MPPED1: variants seen among roughly 807,000 people sequenced by gnomAD.
The protein encoded by MPPED1 is metallophosphoesterase domain containing 1.
A neutral mutation model predicts 36.2 loss-of-function variants in MPPED1; 16 were observed. That is an observed-to-expected ratio of 0.44 (90% CI 0.30 to 0.67). MPPED1 has a LOEUF of 0.67. Ranked by LOEUF, MPPED1 falls within the 30% of genes least tolerant of loss-of-function variation. The pLI, the probability that MPPED1 is intolerant of heterozygous loss-of-function variation, is 0.10. For synonymous variants in MPPED1, 199 were observed against 191.3 expected (o/e 1.04, Z -0.33); for missense variants, 307 against 453.4 (o/e 0.68, Z 2.93).
intron 4 of MPPED1, among the ~76,000 whole-genome samples, chr22:43,485,205 C>T (rs1931874190): frequency 6.6e-6 from 1 of 152,034 alleles, no homozygotes; most frequent in Non-Finnish European, 1.5e-5. Flanking sequence ...TATACACCTA[C>T]ACACACATTC....
rs1378898555 is a variant in MPPED1 at position 43,467,795 on chromosome 22, T to C, written c.407-6941T>C. Among the ~76,000 whole-genome samples the C allele has an allele frequency of 3.9e-5, 6 of 152,136 alleles. No individual in the cohort carries two copies. The East Asian group carries it at 1.2e-3, about 29-fold the overall frequency. On this transcript the variant is annotated intron_variant, in intron 3 of 6. Coordinates refer to ENST00000443721, the MANE Select transcript of MPPED1 (RefSeq NM_001044370.2). Reference sequence around the variant, plus strand: ...GCATTTTCCTGATTGTCACTGCATTTAGAGAACGCTAAAACTCCACCGGGC... The same window carrying C: ...GCATTTTCCTGATTGTCACTGCATTCAGAGAACGCTAAAACTCCACCGGGC...
In MPPED1 at chr22:43,425,039, C is replaced by T; in HGVS notation, c.54C>T (p.Leu18=). ...TCCTGAAGGCGGAGGCCCTGGCCCTCCTCCCCTGCGGCCTGGGCATGGCAT... is the reference window on the plus strand; with the variant it reads ...TCCTGAAGGCGGAGGCCCTGGCCCTTCTCCCCTGCGGCCTGGGCATGGCAT... ...ASVLKAEALA[L]LPCGLGMAFS... is the part of the protein sequence containing the mutation. Residue 18 remains leucine (L), a synonymous_variant, in exon 2 of 7, where the codon CTC becomes CTT. Transcript: ENST00000443721. 1.2e-6 allele frequency: 2 copies of T among 1,612,166 alleles called. No individual in the cohort carries two copies. The highest frequency in any genetic ancestry group is 1.7e-6 in the Non-Finnish European group (2 of 1,179,328).
rs1360098515 is a variant in MPPED1, at chr22:43,505,622, C to T, written c.*6C>T. On this transcript the variant is annotated 3_prime_UTR_variant, in exon 7 of 7. Coordinates refer to ENST00000443721, the MANE Select transcript of MPPED1 (RefSeq NM_001044370.2). ...CCACACCCCGGAACTCCTGACTGCT[C>T]CCCACTGCCCCTGCCCTGCCCGCCC... 2 of 1,599,730 alleles carry T rather than the reference C, an allele frequency of 1.3e-6. No individual in the cohort carries two copies. Among genetic ancestry groups the T allele is most frequent in the Non-Finnish European group, 1.7e-6 (2 of 1,172,772 alleles).
chr22:43,464,132 C>A (rs1010906764), intron 3 of MPPED1, among the ~76,000 whole-genome samples: 10 of 151,916 alleles, frequency 6.6e-5, no homozygotes, highest in Admixed American at 6.6e-4. Flanking sequence ...TGGTCTTGAA[C>A]TCCTGACCTC....
Position 43,505,761 on chromosome 22 carries a change from TCTTTAGC to T in MPPED1, c.*149_*155del. 1 of 640,210 alleles carries T rather than the reference TCTTTAGC, an allele frequency of 1.6e-6. No individual in the cohort carries two copies. The highest frequency in any genetic ancestry group is 2.0e-5 in the South Asian group (1 of 50,390). The allele number at this position is 640,210 out of a possible 1,614,324, so 39.7% of individuals were successfully genotyped here. A position where few individuals can be genotyped will look rare whatever the true frequency, so the allele number is the denominator to read the frequency against. ...AGGCAGGTCAGGGCCTTGGAACGAC[TCTTTAGC>T]CTTCTGTCACCTGGAGTTGGGACCC... On this transcript the variant is annotated 3_prime_UTR_variant, in exon 7 of 7. Coordinates refer to ENST00000443721, the MANE Select transcript of MPPED1 (RefSeq NM_001044370.2).
chr22:43,432,516 A>AG (rs1370311652), intron 2 of MPPED1, among the ~76,000 whole-genome samples: 7 of 115,912 alleles, frequency 6.0e-5, no homozygotes, highest in South Asian at 3.5e-4. Flanking sequence ...GGAAAGAGAA[A>AG]GGGAGGAGAG....
chr22:43,461,865 T>C (rs1930968566), intron 3 of MPPED1, among the ~76,000 whole-genome samples: 1 of 152,212 alleles, frequency 6.6e-6, no homozygotes, highest in African/African-American at 2.4e-5. Context: ...GATTTCTTCA[T>C]CTGCCAAATA....
chr22:43,444,572 A>C (rs1040010821), intron 3 of MPPED1, among the ~76,000 whole-genome samples: 2 of 152,044 alleles, frequency 1.3e-5, no homozygotes, highest in Non-Finnish European at 1.5e-5. Flanking sequence ...CATGTTGGCC[A>C]TGCTGGTCTT....
chr22:43,500,250 A>G (rs867662728), intron 5 of MPPED1, among the ~76,000 whole-genome samples: 112 of 28,808 alleles, frequency 3.9e-3, no homozygotes, highest in African/African-American at 4.6e-3. Flanking sequence ...GGTGGCAGTG[A>G]TGATGGTGGT....
rs1428065476 is a variant in MPPED1, at chr22:43,498,311, G to A, written c.709G>A (p.Glu237Lys). ...GCTGGAGAAATGGAACCTCATTCCCGAAGGCGTAGACATCCTGATAACCCA... is the reference window on the plus strand; with the variant it reads ...GCTGGAGAAATGGAACCTCATTCCCAAAGGCGTAGACATCCTGATAACCCA... Reference protein sequence around the residue: ...ALLEKWNLIPEGVDILITHGP... With the variant: ...ALLEKWNLIPKGVDILITHGP... Residue 237 changes from glutamate (E) to lysine (K), a missense_variant, in exon 5 of 7, where the codon GAA becomes AAA. This residue lies in a region of MPPED1 where 132 missense variants were observed against 212.3 expected (regional missense o/e 0.62). Transcript: ENST00000443721. 3.3e-6 allele frequency: 5 copies of A among 1,535,362 alleles called. No homozygotes were observed. Among genetic ancestry groups the A allele is most frequent in the Non-Finnish European group, 3.5e-6 (4 of 1,146,530 alleles).
intron 3 of MPPED1, among the ~76,000 whole-genome samples, chr22:43,467,519 G>A (rs118107423): frequency 3.3e-5 from 5 of 152,288 alleles, no homozygotes; most frequent in Admixed American, 6.5e-5. Context: ...TTCATGCACC[G>A]AGTTGCACCA....
intron 4 of MPPED1, among the ~76,000 whole-genome samples, chr22:43,496,208 G>A (rs1489256194): frequency 2.9e-5 from 3 of 104,334 alleles, no homozygotes; most frequent in African/African-American, 4.4e-5. Context: ...GGTGGTGGAG[G>A]TAGTGGTGGT....
intron 3 of MPPED1, among the ~76,000 whole-genome samples, chr22:43,438,799 T>C (rs1386512507): frequency 1.3e-5 from 2 of 152,008 alleles, no homozygotes; most frequent in East Asian, 3.9e-4. Flanking sequence ...GGGCCTTGGG[T>C]CAATCCTGGC....
At chr22:43,424,191 C>T (rs1929374215) in intron 1 of MPPED1, among the ~76,000 whole-genome samples, 1 of 152,160 alleles carries the variant, frequency 6.6e-6, no homozygotes, top group African/African-American at 2.4e-5. Context: ...TCCCGAGATC[C>T]TTACGAGAGA....
Position 43,466,443 on chromosome 22 carries a change from A to G in MPPED1, c.407-8293A>G, listed in dbSNP as rs550077418. Reference sequence around the variant, plus strand: ...TCTCATCTCCAGCTTCGCAGCTCACATTTCTGGGCTGTGCTATACATTGCA... The same window carrying G: ...TCTCATCTCCAGCTTCGCAGCTCACGTTTCTGGGCTGTGCTATACATTGCA... On this transcript the variant is annotated intron_variant, in intron 3 of 6. Transcript: ENST00000443721. Among the ~76,000 whole-genome samples the G allele has an allele frequency of 4.2e-4, 64 of 152,300 alleles. 1 individual carries two copies. The highest frequency in any genetic ancestry group is 3.9e-3 in the Admixed American group (59 of 15,302).
At chr22:43,449,119 A>T (rs1930466541) in intron 3 of MPPED1, among the ~76,000 whole-genome samples, 1 of 152,192 alleles carries the variant, frequency 6.6e-6, no homozygotes, top group East Asian at 1.9e-4. Flanking sequence ...GGATTTTTAC[A>T]TCCTACGTTT....
At chr22:43,457,617 TTAAA>T (rs1930799797) in intron 3 of MPPED1, among the ~76,000 whole-genome samples, 1 of 152,180 alleles carries the variant, frequency 6.6e-6, no homozygotes. Context: ...TTCTTTTGTG[TTAAA>T]TAGATATTTT....
intron 3 of MPPED1, among the ~76,000 whole-genome samples, chr22:43,459,266 A>T (rs916152525): frequency 6.6e-6 from 1 of 152,072 alleles, no homozygotes; most frequent in Non-Finnish European, 1.5e-5. Context: ...TTTTCAGTAG[A>T]GACGGGGTTT....
At chr22:43,435,784 G>A (rs1286693455) in intron 3 of MPPED1, among the ~76,000 whole-genome samples, 4 of 152,208 alleles carry the variant, frequency 2.6e-5, no homozygotes, top group African/African-American at 9.7e-5. Context: ...TTGAACCTGG[G>A]TGGTGGAGGT....
Sources: allele counts gnomAD v4.1 joint callset (sites outside exome capture counted in the v4.1 genomes callset), GRCh38; gene constraint gnomAD v4.1.1; regional missense constraint gnomAD v4.1.1; transcripts MANE v1.5; gene names NCBI Gene and HGNC (gene_info 2026-07-23, HGNC 2026-07-21).